The following FER variants were observed in gnomAD, a reference collection of about 807,000 sequenced individuals.
FER encodes tyrosine-protein kinase Fer.
A neutral mutation model predicts 111.0 loss-of-function variants in FER; 63 were observed. The observed-to-expected ratio is 0.57, with a 90% CI of 0.46 to 0.70. The LOEUF is 0.70. Among genes scored for constraint, FER ranks in the 30% least tolerant of loss-of-function variants. FER has a pLI of 0.00. For missense variants in FER, 914 were observed against 954.0 expected (o/e 0.96, Z 0.55); for synonymous variants, 327 against 313.9 (o/e 1.04, Z -0.44).
intron 9 of FER, among the ~76,000 whole-genome samples, chr5:108,887,884 T>C (rs1389452578): frequency 6.6e-6 from 1 of 151,868 alleles, no homozygotes; most frequent in Non-Finnish European, 1.5e-5. Context: ...GAGCTAGTGA[T>C]GTTACTGTTG....
At chr5:108,957,448 A>G (rs888559472) in intron 12 of FER, among the ~76,000 whole-genome samples, 1 of 151,652 alleles carries the variant, frequency 6.6e-6, no homozygotes, top group Admixed American at 6.6e-5. Context: ...AACACAAAAA[A>G]ATAATAAATG....
intron 5 of FER, among the ~76,000 whole-genome samples, chr5:108,861,788 T>A (rs1694488936): frequency 6.6e-6 from 1 of 152,206 alleles, no homozygotes; most frequent in Non-Finnish European, 1.5e-5. Context: ...AAAGGAATTT[T>A]AAAATTTTTA....
At chr5:108,808,256 G>T (rs933103210) in intron 3 of FER, among the ~76,000 whole-genome samples, 2 of 151,784 alleles carry the variant, frequency 1.3e-5, no homozygotes, top group Non-Finnish European at 2.9e-5. Context: ...AGGTCTAGAT[G>T]TATTTTTTTT....
At chr5:108,852,460 G>A (rs975153409) in intron 5 of FER, among the ~76,000 whole-genome samples, 1 of 151,992 alleles carries the variant, frequency 6.6e-6, no homozygotes, top group Non-Finnish European at 1.5e-5. Flanking sequence ...ACCAAGAATG[G>A]CAACTAGCCT....
intron 13 of FER, among the ~76,000 whole-genome samples, chr5:109,034,247 A>T (rs1407422866): frequency 6.6e-6 from 1 of 151,982 alleles, no homozygotes; most frequent in Non-Finnish European, 1.5e-5. Context: ...AGATCTATTG[A>T]TCAATTATCT....
intron 1 of FER, among the ~76,000 whole-genome samples, chr5:108,755,954 C>G (rs1395271835): frequency 1.3e-5 from 2 of 150,298 alleles, no homozygotes; most frequent in Admixed American, 1.3e-4. Flanking sequence ...GAGTTTGAGA[C>G]CAGCCTGGCC....
chr5:108,950,999 G>A (rs1451981511), intron 11 of FER, among the ~76,000 whole-genome samples: 1 of 152,038 alleles, frequency 6.6e-6, no homozygotes, highest in Non-Finnish European at 1.5e-5. Flanking sequence ...GGCCAGGCAT[G>A]GTGGCTCACA....
chr5:108,967,759 CAAAAAAAAAAAAAA>C (rs774855414), intron 13 of FER, among the ~76,000 whole-genome samples: 1 of 34,474 alleles, frequency 2.9e-5, no homozygotes, highest in Admixed American at 3.2e-4. Flanking sequence ...GACTCCGTCT[CAAAAAAAAAAAAAA>C]AAAAAAAAAA....
At chr5:108,857,735 A>G (rs1316607139) in intron 5 of FER, among the ~76,000 whole-genome samples, 1 of 152,092 alleles carries the variant, frequency 6.6e-6, no homozygotes, top group Non-Finnish European at 1.5e-5. Flanking sequence ...TTTTAAATTT[A>G]TGTATTAATT....
chr5:108,830,616 T>A (rs752214168), intron 3 of FER: 1 of 152,098 alleles, frequency 6.6e-6, no homozygotes, highest in Non-Finnish European at 1.5e-5. Flanking sequence ...AGTGTACCAT[T>A]TGGGAGGTGT....
At chr5:108,823,908 A>C (rs1166128638) in intron 3 of FER, among the ~76,000 whole-genome samples, 2 of 152,110 alleles carry the variant, frequency 1.3e-5, no homozygotes, top group Non-Finnish European at 2.9e-5. Context: ...TTATGGATTC[A>C]GGTCTTATAT....
At chr5:109,139,184 T>C (rs1225867698) in intron 17 of FER, among the ~76,000 whole-genome samples, 5 of 152,074 alleles carry the variant, frequency 3.3e-5, no homozygotes, top group Non-Finnish European at 7.3e-5. Flanking sequence ...GGATGGTATA[T>C]AGGAGTCTCA....
intron 10 of FER, among the ~76,000 whole-genome samples, chr5:108,932,022 T>G: frequency 6.8e-6 from 1 of 148,122 alleles, no homozygotes; most frequent in African/African-American, 2.5e-5. Context: ...ATCACTTGGT[T>G]ACATTTTTTT....
intron 10 of FER, among the ~76,000 whole-genome samples, chr5:108,926,728 A>G (rs1226595157): frequency 2.6e-5 from 4 of 152,224 alleles, no homozygotes; most frequent in Non-Finnish European, 5.9e-5. Context: ...TTGGAGACAT[A>G]CATATTCAGT....
chr5:108,873,337 G>A (rs772276458), intron 8 of FER, among the ~76,000 whole-genome samples: 2 of 151,958 alleles, frequency 1.3e-5, no homozygotes, highest in Non-Finnish European at 2.9e-5. Context: ...TAGAGATGGG[G>A]TTTTGCCCTG....
At chr5:108,749,179 C>G (rs1352997370) in intron 1 of FER, among the ~76,000 whole-genome samples, 1 of 152,212 alleles carries the variant, frequency 6.6e-6, no homozygotes, top group Middle Eastern at 3.4e-3. Flanking sequence ...AGCCAGCGCC[C>G]CCCCCAACCC....
chr5:109,016,290 GC>G (rs1279210441), intron 13 of FER, among the ~76,000 whole-genome samples: 3 of 151,972 alleles, frequency 2.0e-5, no homozygotes, highest in Non-Finnish European at 4.4e-5. Context: ...CTGATGATAA[GC>G]TTGAAGATGA....
intron 3 of FER, among the ~76,000 whole-genome samples, chr5:108,814,423 A>T (rs1464692903): frequency 8.5e-5 from 13 of 152,178 alleles, no homozygotes; most frequent in Non-Finnish European, 1.5e-5. Context: ...TCCTGAAAGT[A>T]AGAGGAGAAA....
At position 108,967,892 on chromosome 5, in the gene FER, T is replaced by G. The variant is rs532684524; in HGVS notation, c.1656+8545T>G. ...CCATAGTTTGACTTGTGGCTTGGCT[T>G]TCTGGCTTTAAACTGAAAAAGCCTG... On this transcript the variant is annotated intron_variant, in intron 13 of 19. Coordinates refer to ENST00000281092, the MANE Select transcript of FER (RefSeq NM_005246.4). Among the ~76,000 whole-genome samples, 133 of 152,220 alleles carry G rather than the reference T, an allele frequency of 8.7e-4. 1 individual carries two copies. The highest frequency in any genetic ancestry group is 3.0e-3 in the African/African-American group (124 of 41,520).
Sources: allele counts gnomAD v4.1 joint callset (sites outside exome capture counted in the v4.1 genomes callset), GRCh38; gene constraint gnomAD v4.1.1; transcripts MANE v1.5; gene names NCBI Gene and HGNC (gene_info 2026-07-23, HGNC 2026-07-21).